ARMC1: variants seen among roughly 807,000 people sequenced by gnomAD.
The protein encoded by ARMC1 is armadillo repeat containing 1.
Under a neutral mutation model 31.4 loss-of-function variants are expected in ARMC1, and 16 were observed. That is an observed-to-expected ratio of 0.51 (90% CI 0.34 to 0.77). The LOEUF is 0.77. Ranked by LOEUF, ARMC1 falls within the 30% of genes least tolerant of loss-of-function variation. ARMC1 has a pLI of 0.01. For missense variants in ARMC1, 259 were observed against 347.5 expected, an observed-to-expected ratio of 0.75 and a Z score of 2.02; for synonymous variants, 114 against 118.9, an observed-to-expected ratio of 0.96 and a Z score of 0.27.
chr8:65,633,437 C>T (rs1305001017), intron 1 of ARMC1, among the ~76,000 whole-genome samples: 3 of 152,194 alleles, frequency 2.0e-5, no homozygotes, highest in Non-Finnish European at 4.4e-5. Context: ...AAATCAAACA[C>T]CAGCAATTAC....
intron 1 of ARMC1, among the ~76,000 whole-genome samples, chr8:65,628,391 A>ATTTTTTTTT (rs763494218): frequency 2.4e-4 from 19 of 78,808 alleles, no homozygotes; most frequent in Admixed American, 5.2e-4. Context: ...CGCCCGGCTA[A>ATTTTTTTTT]TTTTTTTTTT....
chr8:65,626,441 T>TA (rs60790153), intron 2 of ARMC1, among the ~76,000 whole-genome samples: 91,490 of 132,566 alleles, frequency 0.69, 31,802 homozygotes, highest in Non-Finnish European at 0.76. Context: ...CTATCTCTAC[T>TA]AAAAAAAAAA....
chr8:65,627,704 C>T (rs946823543), intron 1 of ARMC1, among the ~76,000 whole-genome samples: 1 of 152,174 alleles, frequency 6.6e-6, no homozygotes, highest in Non-Finnish European at 1.5e-5. Flanking sequence ...ACAATAAAAT[C>T]ACAATAAAGA....
intron 3 of ARMC1, among the ~76,000 whole-genome samples, chr8:65,614,864 T>C (rs1808217469): frequency 6.6e-6 from 1 of 152,216 alleles, no homozygotes; most frequent in Non-Finnish European, 1.5e-5. Context: ...ACACCTTCTA[T>C]ATAATGCCTC....
intron 3 of ARMC1, among the ~76,000 whole-genome samples, chr8:65,616,367 A>G (rs1032985151): frequency 6.6e-6 from 1 of 152,204 alleles, no homozygotes; most frequent in East Asian, 1.9e-4. Context: ...GCTCCTAACC[A>G]CGAGTGATCT....
In ARMC1 at chr8:65,627,222, A is replaced by T; in HGVS notation, c.177T>A (p.Ala59=). ...ATTACTAAAGGCAACTTACAAGCAA[A>T]GCGGAGTGGACGACTGGAGGGTTGG... ...DHPNPPVVHS[A]LLALRYLAEC... The change falls in exon 2 of 7, where the codon GCT becomes GCA. Residue 59 remains alanine, a synonymous_variant. Coordinates refer to ENST00000276569, the MANE Select transcript of ARMC1 (RefSeq NM_018120.6). 6.4e-7 allele frequency: 1 copy of T among 1,563,598 alleles called. No individual in the cohort carries two copies.
chr8:65,622,737 G>A (rs1380219537), intron 2 of ARMC1, among the ~76,000 whole-genome samples: 2 of 151,824 alleles, frequency 1.3e-5, no homozygotes, highest in African/African-American at 4.8e-5. Context: ...GTGGCGGGGG[G>A]AACGACGTGG....
chr8:65,616,177 T>C (rs1400197524), intron 3 of ARMC1, among the ~76,000 whole-genome samples: 2 of 152,236 alleles, frequency 1.3e-5, no homozygotes, highest in African/African-American at 2.4e-5. Flanking sequence ...CTCCCTCTGA[T>C]GCCGAGCGGA....
intron 4 of ARMC1, among the ~76,000 whole-genome samples, chr8:65,611,305 G>T (rs1372026958): frequency 2.6e-5 from 4 of 152,040 alleles, no homozygotes; most frequent in Admixed American, 2.0e-4. Flanking sequence ...GATAATTTAT[G>T]ACTTTTCTCT....
chr8:65,631,856 T>C (rs1278616054), intron 1 of ARMC1, among the ~76,000 whole-genome samples: 1 of 144,682 alleles, frequency 6.9e-6, no homozygotes. Flanking sequence ...TACTACAGCA[T>C]GGACAACATA....
intron 1 of ARMC1, among the ~76,000 whole-genome samples, chr8:65,628,382 G>A (rs976565259): frequency 1.1e-4 from 15 of 135,848 alleles, no homozygotes; most frequent in Admixed American, 2.3e-4. Context: ...TCCTAGCCAC[G>A]CCCGGCTAAT....
intron 4 of ARMC1, among the ~76,000 whole-genome samples, chr8:65,606,776 T>A (rs538594110): frequency 6.6e-6 from 1 of 152,202 alleles, no homozygotes; most frequent in East Asian, 1.9e-4. Flanking sequence ...ACTATTCTCA[T>A]CACTTTAGCC....
At chr8:65,612,669 C>G (rs112002993) in intron 4 of ARMC1, among the ~76,000 whole-genome samples, 18,135 of 150,758 alleles carry the variant, frequency 0.12, 1,235 homozygotes, top group Middle Eastern at 0.18. Flanking sequence ...TGAGACCAGC[C>G]TGGCCAACAT....
At chr8:65,619,883 C>T (rs1808356565) in intron 3 of ARMC1, among the ~76,000 whole-genome samples, 1 of 151,362 alleles carries the variant, frequency 6.6e-6, no homozygotes. Context: ...ACTTGGGAGG[C>T]TGAGGCAGGA....
chr8:65,624,237 G>A (rs1323105962), intron 2 of ARMC1, among the ~76,000 whole-genome samples: 3 of 151,356 alleles, frequency 2.0e-5, no homozygotes, highest in South Asian at 2.1e-4. Context: ...GGTGGCTCAC[G>A]CCTATAATCT....
At position 65,627,416 on chromosome 8, in the gene ARMC1, T is replaced by A. The variant is rs1808536482; in HGVS notation, c.-18A>T. On this transcript the variant is annotated 5_prime_UTR_variant, in exon 2 of 7. It removes an upstream start codon present in the reference 5' UTR. Coordinates refer to ENST00000276569, the MANE Select transcript of ARMC1 (RefSeq NM_018120.6). ...GAATTCATCTTCTATGCCATGCACATGAATAAAATCTTAAATTCTGTAGAA... is the reference window on the plus strand; with the variant it reads ...GAATTCATCTTCTATGCCATGCACAAGAATAAAATCTTAAATTCTGTAGAA... 1 of 1,533,544 alleles carries A rather than the reference T, an allele frequency of 6.5e-7. No individual in the cohort carries two copies. The highest frequency in any genetic ancestry group is 2.3e-5 in the East Asian group (1 of 43,260). 95.0% of individuals were successfully genotyped at this position (1,533,544 alleles called of 1,614,324 possible).
At chr8:65,612,689 C>T (rs899456324) in intron 4 of ARMC1, among the ~76,000 whole-genome samples, 2 of 148,826 alleles carry the variant, frequency 1.3e-5, no homozygotes, top group Non-Finnish European at 3.0e-5. Flanking sequence ...TGGTGATACC[C>T]CATCTCTACT....
At position 65,627,332 on chromosome 8, in the gene ARMC1, C is replaced by T. The variant is rs762095919; in HGVS notation, c.67G>A (p.Asp23Asn). 8 of 1,613,220 alleles carry T rather than the reference C, an allele frequency of 5.0e-6. No homozygotes were observed. In the Admixed American group the frequency reaches 6.7e-5, roughly 13 times the overall value. Residue 23 changes from aspartate to asparagine, a missense_variant, in exon 2 of 7, where the codon GAT becomes AAT. Coordinates refer to ENST00000276569, the MANE Select transcript of ARMC1 (RefSeq NM_018120.6). ...DALSVVNQLR[D>N]LAADPLNRRA... ...CTGTTTAACGGATCTGCTGCTAGAT[C>T]CCGTAACTGGTTAACTACCGATAGA...
In ARMC1 at chr8:65,623,956, C is replaced by T. The variant is rs529092319; in HGVS notation, c.184-1602G>A. Among the ~76,000 whole-genome samples the T allele has an allele frequency of 4.6e-4, 69 of 151,112 alleles. 1 individual carries two copies. Among genetic ancestry groups the T allele is most frequent in the Admixed American group, 3.3e-3 (50 of 15,188 alleles). ...GGGATTATAGGTGCCAGCCACCACG[C>T]CTGGCTAATTTTTGTATTTTTAGTA... On this transcript the variant is annotated intron_variant, in intron 2 of 6. Transcript: ENST00000276569.
Sources: gnomAD v4.1 joint callset for allele counts (sites outside exome capture counted in the v4.1 genomes callset) on GRCh38, gnomAD v4.1.1 for gene constraint, MANE v1.5 for transcripts, NCBI Gene and HGNC (gene_info 2026-07-23, HGNC 2026-07-21) for gene names.